COMMD10: variants seen among roughly 807,000 people sequenced by gnomAD.
COMMD10 encodes COMM domain-containing protein 10.
In COMMD10, 33 loss-of-function variants were observed where a neutral mutation model predicts 28.9. That is an observed-to-expected ratio of 1.14 (90% CI 0.87 to 1.53). The LOEUF is 1.53. COMMD10 is among the 40% of genes most tolerant of loss of function. The pLI is 0.00. For synonymous variants in COMMD10, 110 were observed against 81.7 expected, an observed-to-expected ratio of 1.35 and a Z score of -1.87; for missense variants, 310 against 233.4, an observed-to-expected ratio of 1.33 and a Z score of -2.14.
At chr5:116,178,043 T>C (rs946440155) in intron 5 of COMMD10, among the ~76,000 whole-genome samples, 1 of 152,112 alleles carries the variant, frequency 6.6e-6, no homozygotes, top group Non-Finnish European at 1.5e-5. Context: ...TTGAGAGTTA[T>C]TTGGGCTCTT....
intron 4 of COMMD10, among the ~76,000 whole-genome samples, chr5:116,109,692 T>C (rs1362771838): frequency 2.0e-5 from 3 of 152,238 alleles, no homozygotes; most frequent in Non-Finnish European, 4.4e-5. Context: ...AGATTGTTAC[T>C]GGTGTAAGAA....
intron 5 of COMMD10, among the ~76,000 whole-genome samples, chr5:116,257,042 T>C (rs1239386939): frequency 6.6e-6 from 1 of 151,804 alleles, no homozygotes; most frequent in African/African-American, 2.4e-5. Context: ...GTGCTGTTTT[T>C]GTTAAAAGGT....
intron 5 of COMMD10, among the ~76,000 whole-genome samples, chr5:116,276,053 AT>A (rs1361615349): frequency 6.6e-6 from 1 of 151,336 alleles, no homozygotes; most frequent in Non-Finnish European, 1.5e-5. Flanking sequence ...TAACACAGGT[AT>A]TCTTACTGTG....
At chr5:116,165,623 T>C (rs1346038491) in intron 5 of COMMD10, among the ~76,000 whole-genome samples, 1 of 151,998 alleles carries the variant, frequency 6.6e-6, no homozygotes, top group Non-Finnish European at 1.5e-5. Flanking sequence ...TCTGTGTGTG[T>C]GTTTGTGCGC....
chr5:116,188,633 C>G (rs537292534), intron 5 of COMMD10: 2 of 123,828 alleles, frequency 1.6e-5, no homozygotes, highest in Admixed American at 7.5e-5. Context: ...TTCTTTCTCT[C>G]TCTCTCTTTT....
rs548406124 is a variant in COMMD10, at chr5:116,237,873, A to G, written c.511-53644A>G. 3.3e-5 allele frequency among the ~76,000 whole-genome samples: 5 copies of G among 152,320 alleles called. No homozygotes were observed. In the East Asian group the frequency reaches 9.6e-4, roughly 29 times the overall value. ...TCCTACTGAGAATTAGAATAACAGT[A>G]GAAACTTTGGGAAAGATTTTAAATG... On this transcript the variant is annotated intron_variant, in intron 5 of 6. Coordinates refer to ENST00000274458, the MANE Select transcript of COMMD10 (RefSeq NM_016144.4).
chr5:116,256,743 G>C (rs2900096), intron 5 of COMMD10, among the ~76,000 whole-genome samples: 125,811 of 151,612 alleles, frequency 0.83, 53,349 homozygotes, highest in Admixed American at 0.92. Context: ...AAACATATAG[G>C]TTGAAGGTAA....
chr5:116,237,807 T>C (rs1561680801), intron 5 of COMMD10, among the ~76,000 whole-genome samples: 1 of 152,202 alleles, frequency 6.6e-6, no homozygotes, highest in Non-Finnish European at 1.5e-5. Context: ...TTAGCAGTGG[T>C]GTTAAATCTT....
rs1749845243 is a variant in COMMD10 at position 116,242,768 on chromosome 5, G to A, written c.511-48749G>A. On this transcript the variant is annotated intron_variant, in intron 5 of 6. Transcript: ENST00000274458. ...AAGATTTTAGAGGGGAGAGGGTTCT[G>A]TAGCATTAAATGCCTGATCTCACAG... Among the ~76,000 whole-genome samples the A allele has an allele frequency of 2.0e-5, 3 of 152,144 alleles. No homozygotes were observed. The South Asian group carries it at 6.2e-4, about 31-fold the overall frequency.
chr5:116,274,659 G>T (rs1437706106), intron 5 of COMMD10, among the ~76,000 whole-genome samples: 1 of 151,846 alleles, frequency 6.6e-6, no homozygotes, highest in East Asian at 1.9e-4. Context: ...ACACTTACCA[G>T]TCCTTGTCTC....
chr5:116,218,484 T>C (rs1749161562), intron 5 of COMMD10, among the ~76,000 whole-genome samples: 1 of 152,212 alleles, frequency 6.6e-6, no homozygotes, highest in African/African-American at 2.4e-5. Context: ...TTTTCACTGT[T>C]AAAAATAGTT....
chr5:116,091,385 G>A (rs1233228996), intron 3 of COMMD10, among the ~76,000 whole-genome samples, 196 bp downstream of exon 3: 2 of 152,096 alleles, frequency 1.3e-5, no homozygotes, highest in African/African-American at 4.8e-5. Context: ...AGACTTCATT[G>A]ATTTGAGACA....
At chr5:116,211,553 C>G (rs1442555128) in intron 5 of COMMD10, among the ~76,000 whole-genome samples, 1 of 151,964 alleles carries the variant, frequency 6.6e-6, no homozygotes. Context: ...CATCATTGAC[C>G]AAAACATCAT....
chr5:116,128,550 A>G (rs1241913286), intron 4 of COMMD10, among the ~76,000 whole-genome samples: 1 of 151,994 alleles, frequency 6.6e-6, no homozygotes, highest in Non-Finnish European at 1.5e-5. Flanking sequence ...GCAAAACTCT[A>G]TACTGGGTTT....
chr5:116,268,063 C>T (rs962873557), intron 5 of COMMD10, among the ~76,000 whole-genome samples: 2 of 151,684 alleles, frequency 1.3e-5, no homozygotes, highest in African/African-American at 2.4e-5. Context: ...TCTAAAACAC[C>T]AAAAGCAATG....
intron 4 of COMMD10, among the ~76,000 whole-genome samples, chr5:116,105,963 G>A (rs1229833199): frequency 6.6e-6 from 1 of 152,062 alleles, no homozygotes; most frequent in Non-Finnish European, 1.5e-5. Flanking sequence ...ATCTCCTTCA[G>A]TTCTGCTCTG....
intron 5 of COMMD10, among the ~76,000 whole-genome samples, chr5:116,142,669 C>A (rs1349136149): frequency 6.6e-6 from 1 of 151,544 alleles, no homozygotes; most frequent in African/African-American, 2.4e-5. Flanking sequence ...TTTAGGAGGC[C>A]AGTAAAAAGC....
chr5:116,138,156 A>T (rs931642691), intron 5 of COMMD10, among the ~76,000 whole-genome samples: 3 of 152,038 alleles, frequency 2.0e-5, no homozygotes, highest in Middle Eastern at 3.4e-3. Flanking sequence ...ATTAATGCTT[A>T]TTAATCATAT....
intron 5 of COMMD10, among the ~76,000 whole-genome samples, chr5:116,271,678 A>G (rs1483495188): frequency 2.6e-5 from 4 of 151,812 alleles, no homozygotes; most frequent in East Asian, 3.9e-4. Context: ...GAAGGAGCCT[A>G]TGTCTACTTG....
Sources: gnomAD v4.1 joint callset for allele counts (sites outside exome capture counted in the v4.1 genomes callset) on GRCh38, gnomAD v4.1.1 for gene constraint, MANE v1.5 for transcripts, NCBI Gene and HGNC (gene_info 2026-07-23, HGNC 2026-07-21) for gene names.